The following NRXN3 variants were observed in gnomAD, a reference collection of about 807,000 sequenced individuals.
NRXN3 encodes neurexin III.
In NRXN3, 32 loss-of-function variants were observed where a neutral mutation model predicts 137.6. The ratio of observed to expected loss-of-function variants is 0.23; its 90% confidence interval spans 0.18 to 0.31. NRXN3 has a LOEUF of 0.31. NRXN3 is among the 10% of genes least tolerant of loss of function. NRXN3 has a pLI of 1.00. For synonymous variants in NRXN3, 798 were observed against 784.5 expected (o/e 1.02, Z -0.29); for missense variants, 1,574 against 2,062.5 (o/e 0.76, Z 4.59).
chr14:79,730,851 G>A (rs905217633), intron 19 of NRXN3, among the ~76,000 whole-genome samples: 3 of 152,086 alleles, frequency 2.0e-5, no homozygotes, highest in Non-Finnish European at 2.9e-5. Flanking sequence ...GCCTTAACCC[G>A]GTCAGTAAAT....
chr14:78,956,439 A>G (rs2099396927), intron 10 of NRXN3, among the ~76,000 whole-genome samples: 1 of 152,080 alleles, frequency 6.6e-6, no homozygotes, highest in South Asian at 2.1e-4. Flanking sequence ...GTTCACTTGA[A>G]CCTTAGCTTG....
intron 20 of NRXN3, among the ~76,000 whole-genome samples, chr14:79,830,658 A>C (rs2099320487): frequency 6.6e-6 from 1 of 152,166 alleles, no homozygotes; most frequent in South Asian, 2.1e-4. Context: ...AATGGCACCG[A>C]TTCACCCAAA....
intron 15 of NRXN3, among the ~76,000 whole-genome samples, chr14:79,444,253 G>A (rs576206158): frequency 3.8e-4 from 58 of 152,236 alleles, no homozygotes; most frequent in African/African-American, 1.3e-3. Context: ...CTCTTTCACT[G>A]CCATATCTTT....
intron 10 of NRXN3, among the ~76,000 whole-genome samples, chr14:78,885,149 T>C (rs1306651267): frequency 6.7e-6 from 1 of 148,400 alleles, no homozygotes; most frequent in Non-Finnish European, 1.5e-5. Flanking sequence ...AATATATAAA[T>C]ATAAATTACA....
At chr14:78,492,227 AG>A (rs1342216873) in intron 4 of NRXN3, among the ~76,000 whole-genome samples, 1 of 152,234 alleles carries the variant, frequency 6.6e-6, no homozygotes, top group East Asian at 1.9e-4. Flanking sequence ...TGAGAGGGGC[AG>A]GTGGCTGTGC....
At chr14:78,388,321 A>G (rs1455388308) in intron 4 of NRXN3, among the ~76,000 whole-genome samples, 1 of 152,236 alleles carries the variant, frequency 6.6e-6, no homozygotes, top group Non-Finnish European at 1.5e-5. Flanking sequence ...TGGAGCCTAC[A>G]GCACTGTAGT....
At chr14:78,931,800 A>G (rs182226261) in intron 10 of NRXN3, among the ~76,000 whole-genome samples, 1 of 152,306 alleles carries the variant, frequency 6.6e-6, no homozygotes, top group East Asian at 1.9e-4. Context: ...TTGTCTTAGG[A>G]ACACTGAAGT....
At chr14:79,641,380 C>T (rs1252865268) in intron 16 of NRXN3, among the ~76,000 whole-genome samples, 1 of 134,804 alleles carries the variant, frequency 7.4e-6, no homozygotes, top group Admixed American at 7.9e-5. Flanking sequence ...AAGGTTATTA[C>T]CAATCAGAAA....
chr14:79,833,543 C>G (rs950488185), intron 20 of NRXN3, among the ~76,000 whole-genome samples: 1 of 152,088 alleles, frequency 6.6e-6, no homozygotes, highest in African/African-American at 2.4e-5. Flanking sequence ...TGAATTTCTT[C>G]AATTTACATG....
chr14:78,333,669 A>C (rs2081104582), intron 4 of NRXN3, among the ~76,000 whole-genome samples: 1 of 152,160 alleles, frequency 6.6e-6, no homozygotes, highest in African/African-American at 2.4e-5. Flanking sequence ...TTGAATGATG[A>C]TGACATAGGG....
chr14:79,689,462 C>A (rs185954252), intron 17 of NRXN3, among the ~76,000 whole-genome samples: 1 of 152,056 alleles, frequency 6.6e-6, no homozygotes, highest in African/African-American at 2.4e-5. Flanking sequence ...AGACTAAGAA[C>A]AATGTTAATG....
rs570856466 is a variant in NRXN3, at chr14:78,227,280, G to C, written c.-703-15111G>C. On this transcript the variant is annotated intron_variant, in intron 1 of 20. Coordinates refer to ENST00000335750, the MANE Select transcript of NRXN3 (RefSeq NM_001330195.2). ...TTAAGATTCAATTGCATCACTTACTGTTTTGTGACCCTGAACGAACCATGT... is the reference window on the plus strand; with the variant it reads ...TTAAGATTCAATTGCATCACTTACTCTTTTGTGACCCTGAACGAACCATGT... Among the ~76,000 whole-genome samples the C allele has an allele frequency of 1.2e-4, 18 of 152,008 alleles. No homozygotes were observed. In the South Asian group the frequency reaches 3.5e-3, roughly 30 times the overall value.
rs116504015 is a variant in NRXN3, at chr14:78,895,685, G to A, written c.2276-61557G>A. Among the ~76,000 whole-genome samples the A allele has an allele frequency of 4.1e-3, 621 of 151,990 alleles. 4 individuals carry two copies. The highest frequency in any genetic ancestry group is 0.014 in the African/African-American group (597 of 41,498). On this transcript the variant is annotated intron_variant, in intron 10 of 20. Coordinates refer to ENST00000335750, the MANE Select transcript of NRXN3 (RefSeq NM_001330195.2). ...ATCTCAGTTTTCAACATGCCTCACT[G>A]AGCTTAATCATTTCTAGCTTTTGAT...
At chr14:79,354,250 G>T (rs750230936) in intron 15 of NRXN3, among the ~76,000 whole-genome samples, 1 of 152,088 alleles carries the variant, frequency 6.6e-6, no homozygotes, top group African/African-American at 2.4e-5. Context: ...CTATAAAATG[G>T]AGTGTTTCAG....
At chr14:78,881,399 TG>T (rs2099128729) in intron 10 of NRXN3, among the ~76,000 whole-genome samples, 1 of 151,660 alleles carries the variant, frequency 6.6e-6, no homozygotes, top group African/African-American at 2.4e-5. Context: ...GGATACTTGT[TG>T]AATGGCTTTG....
At chr14:78,580,511 C>T (rs2096982851) in intron 4 of NRXN3, among the ~76,000 whole-genome samples, 1 of 152,198 alleles carries the variant, frequency 6.6e-6, no homozygotes, top group African/African-American at 2.4e-5. Context: ...GAGGAACTAC[C>T]CTGTGTGTCC....
chr14:78,752,661 T>G (rs866998406), intron 8 of NRXN3, among the ~76,000 whole-genome samples: 26 of 151,758 alleles, frequency 1.7e-4, no homozygotes, highest in African/African-American at 6.1e-4. Context: ...AGTATAGGCG[T>G]GGGAAGGGTG....
intron 15 of NRXN3, among the ~76,000 whole-genome samples, chr14:79,147,495 A>G (rs1453105956): frequency 6.6e-6 from 1 of 152,062 alleles, no homozygotes; most frequent in African/African-American, 2.4e-5. Context: ...AATTTCGCCC[A>G]TTTAAGATAG....
At chr14:79,355,461 T>C (rs904711337) in intron 15 of NRXN3, among the ~76,000 whole-genome samples, 3 of 152,310 alleles carry the variant, frequency 2.0e-5, no homozygotes, top group Non-Finnish European at 2.9e-5. Flanking sequence ...GCATTTTGTG[T>C]TTATTAACCT....
Sources: allele counts gnomAD v4.1 joint callset (sites outside exome capture counted in the v4.1 genomes callset), GRCh38; gene constraint gnomAD v4.1.1; transcripts MANE v1.5; gene names NCBI Gene and HGNC (gene_info 2026-07-23, HGNC 2026-07-21).